The following COX6C variants were observed in gnomAD, a reference collection of about 807,000 sequenced individuals.
COX6C encodes cytochrome c oxidase polypeptide VIc.
COX6C carries 3 observed loss-of-function variants against 6.9 expected under a neutral mutation model. The observed-to-expected ratio is 0.43, with a 90% confidence interval of 0.20 to 1.12. The LOEUF is 1.12. COX6C is among the 50% of genes most tolerant of loss of function. The pLI, the probability that COX6C is intolerant of heterozygous loss-of-function variation, is 0.27. For missense variants in COX6C, 101 were observed against 97.3 expected (o/e 1.04, Z -0.16); for synonymous variants, 32 against 32.0 (o/e 1.00, Z 0.00).
At position 99,878,045 on chromosome 8, in the gene COX6C, G is replaced by A. The variant is rs1387895397; in HGVS notation, c.*236C>T. 2 of 152,128 alleles carry A rather than the reference G, an allele frequency of 1.3e-5. No individual in the cohort carries two copies. Among genetic ancestry groups the A allele is most frequent in the Non-Finnish European group, 2.9e-5 (2 of 68,030 alleles). The allele number at this position is 152,128 out of a possible 1,614,324, so 9.4% of individuals were successfully genotyped here. Reference sequence around the variant, plus strand: ...GAACAATGAAATTTTAACAAAACACGGAAATCAAGTTAGCTTCATAAACAG... The same window carrying A: ...GAACAATGAAATTTTAACAAAACACAGAAATCAAGTTAGCTTCATAAACAG... On this transcript the variant is annotated 3_prime_UTR_variant, in exon 4 of 4. Transcript: ENST00000520468.
chr8:99,882,581 T>TA (rs34628375), intron 3 of COX6C, among the ~76,000 whole-genome samples: 37,123 of 151,926 alleles, frequency 0.24, 5,629 homozygotes, highest in African/African-American at 0.43. Flanking sequence ...TTAAACAAAA[T>TA]GACTACAATA....
Position 99,883,211 on chromosome 8 carries a change from G to A in COX6C, c.*15+4279C>T, listed in dbSNP as rs79885293. On this transcript the variant is annotated intron_variant, in intron 3 of 3. Transcript: ENST00000520468. ...AAACAAGAGTCCAAGACCATATGGT[G>A]AATCCTACCAAACTTTTTTGAGACA... Among the ~76,000 whole-genome samples the A allele has an allele frequency of 3.1e-3, 469 of 152,110 alleles. 6 individuals carry two copies. The highest frequency in any genetic ancestry group is 0.011 in the African/African-American group (448 of 41,484).
At chr8:99,892,081 T>A in intron 1 of COX6C, 29 bp from the exon 2 acceptor site, 1 of 1,345,382 alleles carries the variant, frequency 7.4e-7, no homozygotes, top group Non-Finnish European at 1.0e-6. Flanking sequence ...TATGATTAAG[T>A]ACAGAGTTTA....
rs1817777777 is a variant in COX6C at position 99,878,050 on chromosome 8, T to C, written c.*231A>G. The C allele has an allele frequency of 6.6e-6, 1 of 152,144 alleles. No individual in the cohort carries two copies. Among genetic ancestry groups the C allele is most frequent in the South Asian group, 2.1e-4 (1 of 4,828 alleles). 9.4% of individuals were successfully genotyped at this position (152,144 alleles called of 1,614,324 possible). ...ATGAAATTTTAACAAAACACGGAAA[T>C]CAAGTTAGCTTCATAAACAGTTAAA... On this transcript the variant is annotated 3_prime_UTR_variant, in exon 4 of 4. Transcript: ENST00000520468.
rs144765030 is a variant in COX6C at position 99,883,962 on chromosome 8, T to G, written c.*15+3528A>C. Among the ~76,000 whole-genome samples the G allele has an allele frequency of 7.0e-3, 1,063 of 152,264 alleles. 18 individuals carry two copies. Among genetic ancestry groups the G allele is most frequent in the African/African-American group, 0.025 (1,029 of 41,552 alleles). On this transcript the variant is annotated intron_variant, in intron 3 of 3. Transcript: ENST00000520468. Reference sequence around the variant, plus strand: ...AAGTACTTGACAAAATTCAACATCCTTTCATGATCAAAACTATCAACAGAA... The same window carrying G: ...AAGTACTTGACAAAATTCAACATCCGTTCATGATCAAAACTATCAACAGAA...
chr8:99,888,647 T>C (rs1020427284), intron 2 of COX6C, among the ~76,000 whole-genome samples: 1 of 152,140 alleles, frequency 6.6e-6, no homozygotes, highest in Admixed American at 6.5e-5. Flanking sequence ...TAATTTGGAC[T>C]CTCCCTACCT....
rs745704773 is a variant in COX6C, at chr8:99,887,462, T to G, written c.*15+28A>C. On this transcript the variant is annotated intron_variant, in intron 3 of 3. Coordinates refer to ENST00000520468, the MANE Select transcript of COX6C (RefSeq NM_004374.4). ...ATTTTACCACAATTAGAAATTTTTTTTTAAGTAACTTCAAATAACCATATT... is the reference window on the plus strand; with the variant it reads ...ATTTTACCACAATTAGAAATTTTTTGTTAAGTAACTTCAAATAACCATATT... The G allele has an allele frequency of 6.5e-6, 9 of 1,381,314 alleles. No homozygotes were observed. In the East Asian group the frequency reaches 2.2e-4, roughly 34 times the overall value. 85.6% of individuals were successfully genotyped at this position (1,381,314 alleles called of 1,614,324 possible).
chr8:99,880,507 T>C (rs1226755737), intron 3 of COX6C, among the ~76,000 whole-genome samples: 1 of 151,920 alleles, frequency 6.6e-6, no homozygotes, highest in East Asian at 1.9e-4. Flanking sequence ...TCGGAATCAC[T>C]AGAGGGATTT....
At chr8:99,891,805 G>C in intron 2 of COX6C, 103 bp downstream of exon 2, 1 of 958,938 alleles carries the variant, frequency 1.0e-6, no homozygotes, top group Non-Finnish European at 1.7e-6. Flanking sequence ...AGTGCAGAAA[G>C]GGTTAGAAAG....
intron 3 of COX6C, among the ~76,000 whole-genome samples, chr8:99,881,594 A>G (rs905799276): frequency 5.3e-5 from 8 of 152,224 alleles, no homozygotes; most frequent in South Asian, 2.1e-4. Context: ...TAACTTTAGC[A>G]TATTTCATGT....
intron 3 of COX6C, among the ~76,000 whole-genome samples, chr8:99,885,155 C>A (rs13253073): frequency 0.13 from 19,147 of 152,188 alleles, 1,256 homozygotes; most frequent in Non-Finnish European, 0.14. Context: ...AACCTTCCAC[C>A]GCTTTAGTTC....
chr8:99,887,456 T>C (rs1817960025), intron 3 of COX6C, 34 bp downstream of exon 3: 1 of 1,234,556 alleles, frequency 8.1e-7, no homozygotes, highest in Non-Finnish European at 1.1e-6. Context: ...CAATTAGAAA[T>C]TTTTTTTTAA....
intron 3 of COX6C, among the ~76,000 whole-genome samples, chr8:99,881,334 T>G (rs1386931295): frequency 1.3e-5 from 2 of 151,572 alleles, no homozygotes; most frequent in South Asian, 2.1e-4. Flanking sequence ...CATTCCAGCC[T>G]GGGTGACAGA....
intron 3 of COX6C, 136 bp from the exon 4 acceptor site, chr8:99,878,401 A>C (rs1817785653): frequency 6.6e-6 from 1 of 152,252 alleles, no homozygotes; most frequent in African/African-American, 2.4e-5. Flanking sequence ...CAGAAAAAGC[A>C]CAGTTCAGGC....
intron 2 of COX6C, among the ~76,000 whole-genome samples, chr8:99,889,726 C>A (rs1032260434): frequency 4.6e-5 from 7 of 151,942 alleles, no homozygotes; most frequent in Non-Finnish European, 8.8e-5. Context: ...GCCTCCCAGG[C>A]TAAAGCCAAC....
intron 3 of COX6C, among the ~76,000 whole-genome samples, chr8:99,881,804 A>G (rs1402765276): frequency 6.6e-6 from 1 of 152,244 alleles, no homozygotes; most frequent in East Asian, 1.9e-4. Context: ...AAAGACAATG[A>G]CAGAATGGAT....
At chr8:99,879,238 G>A (rs1817815360) in intron 3 of COX6C, among the ~76,000 whole-genome samples, 1 of 150,892 alleles carries the variant, frequency 6.6e-6, no homozygotes, top group Admixed American at 6.6e-5. Flanking sequence ...CTAGATAATA[G>A]AACTTTAATT....
intron 3 of COX6C, chr8:99,878,764 T>G (rs1184928815): frequency 6.6e-6 from 1 of 152,354 alleles, no homozygotes; most frequent in South Asian, 2.1e-4. Context: ...ACTGTAAATT[T>G]TGAAAATTTC....
At chr8:99,887,921 G>C (rs968545687) in intron 2 of COX6C, among the ~76,000 whole-genome samples, 1 of 151,892 alleles carries the variant, frequency 6.6e-6, no homozygotes, top group Non-Finnish European at 1.5e-5. Flanking sequence ...GACAAAAATG[G>C]AAAGTTTAAG....
Sources: allele counts gnomAD v4.1 joint callset (sites outside exome capture counted in the v4.1 genomes callset), GRCh38; gene constraint gnomAD v4.1.1; transcripts MANE v1.5; gene names NCBI Gene and HGNC (gene_info 2026-07-23, HGNC 2026-07-21).